The following TEC variants were observed in gnomAD, a reference collection of about 807,000 sequenced individuals.
The protein encoded by TEC is tec protein tyrosine kinase.
In TEC, 72 loss-of-function variants were observed where a neutral mutation model predicts 93.0. The observed-to-expected ratio is 0.77, with a 90% CI of 0.64 to 0.94. TEC has a LOEUF of 0.94. Among genes scored for constraint, TEC ranks in the 40% least tolerant of loss-of-function variants. TEC has a pLI of 0.00. For missense variants in TEC, 630 were observed against 757.9 expected, an observed-to-expected ratio of 0.83 and a Z score of 1.98; for synonymous variants, 249 against 247.7, an observed-to-expected ratio of 1.01 and a Z score of -0.05.
intron 11 of TEC, among the ~76,000 whole-genome samples, chr4:48,149,041 A>G (rs1720045832): frequency 6.6e-6 from 1 of 152,166 alleles, no homozygotes; most frequent in Non-Finnish European, 1.5e-5. Context: ...TCCATGGTGT[A>G]TCTGTACCAG....
chr4:48,172,611 C>A (rs1721160481), intron 3 of TEC, among the ~76,000 whole-genome samples: 1 of 151,866 alleles, frequency 6.6e-6, no homozygotes, highest in Admixed American at 6.6e-5. Context: ...CAGAAATGCA[C>A]TGTAATAGTA....
chr4:48,164,983 C>T (rs758238460), intron 7 of TEC, among the ~76,000 whole-genome samples: 1 of 151,882 alleles, frequency 6.6e-6, no homozygotes, highest in Non-Finnish European at 1.5e-5. Context: ...AGCACTCCAG[C>T]CTGCGAGACA....
chr4:48,142,640 C>T (rs1056339337), intron 14 of TEC, among the ~76,000 whole-genome samples: 2 of 152,036 alleles, frequency 1.3e-5, no homozygotes, highest in Admixed American at 6.6e-5. Flanking sequence ...GATAGAAAGA[C>T]GTGGTATTTC....
At chr4:48,210,488 A>T (rs75543557) in intron 2 of TEC, among the ~76,000 whole-genome samples, 3 of 108,928 alleles carry the variant, frequency 2.8e-5, no homozygotes, top group African/African-American at 1.4e-4. Context: ...GCCTCTTTAT[A>T]AAAAAAATGG....
At chr4:48,227,518 C>T (rs1723508241) in intron 2 of TEC, among the ~76,000 whole-genome samples, 1 of 151,684 alleles carries the variant, frequency 6.6e-6, no homozygotes, top group South Asian at 2.1e-4. Flanking sequence ...TGGCATGCAC[C>T]TGTAAATCCC....
rs188895520 is a variant in TEC, at chr4:48,156,614, C to G, written c.792+66G>C. On this transcript the variant is annotated intron_variant, in intron 9 of 17. Coordinates refer to ENST00000381501, the MANE Select transcript of TEC (RefSeq NM_003215.3). ...CATTTAGAAAGAGAGATATGTGGAA[C>G]TACTTATTATGGACTCATTAAAATT... 3.6e-6 allele frequency: 5 copies of G among 1,382,058 alleles called. No individual in the cohort carries two copies. The East Asian group carries it at 9.6e-5, about 26-fold the overall frequency. 85.6% of individuals were successfully genotyped at this position (1,382,058 alleles called of 1,614,324 possible). A position where few individuals can be genotyped will look rare whatever the true frequency, so the allele number is the denominator to read the frequency against.
chr4:48,264,304 G>C (rs1361385268), intron 1 of TEC, among the ~76,000 whole-genome samples: 1 of 152,140 alleles, frequency 6.6e-6, no homozygotes, highest in African/African-American at 2.4e-5. Flanking sequence ...GATCCCTCTG[G>C]CCACTCCAAC....
intron 1 of TEC, among the ~76,000 whole-genome samples, chr4:48,234,752 T>C (rs896464413): frequency 6.6e-6 from 1 of 152,108 alleles, no homozygotes; most frequent in African/African-American, 2.4e-5. Flanking sequence ...GGAAGTATGC[T>C]CCCGTGTGGG....
At chr4:48,254,647 G>T (rs1724293495) in intron 1 of TEC, among the ~76,000 whole-genome samples, 1 of 152,270 alleles carries the variant, frequency 6.6e-6, no homozygotes, top group Non-Finnish European at 1.5e-5. Flanking sequence ...TGGTGTCAGA[G>T]ACCAAATGAG....
At chr4:48,216,244 G>GAA (rs11332952) in intron 2 of TEC, among the ~76,000 whole-genome samples, 35,322 of 136,088 alleles carry the variant, frequency 0.26, 5,116 homozygotes, top group Admixed American at 0.34. Flanking sequence ...TACGCCCCAG[G>GAA]AAAAAAAAAA....
At position 48,253,603 on chromosome 4, in the gene TEC, G is replaced by A. The variant is rs1724265416; in HGVS notation, c.-46+16149C>T. Among the ~76,000 whole-genome samples, 5 of 128,004 alleles carry A rather than the reference G, an allele frequency of 3.9e-5. No individual in the cohort carries two copies. In the South Asian group the frequency reaches 1.2e-3, roughly 30 times the overall value. The allele number at this position is 128,004 out of a possible 152,430, so 84.0% of individuals were successfully genotyped here. On this transcript the variant is annotated intron_variant, in intron 1 of 17. Coordinates refer to ENST00000381501, the MANE Select transcript of TEC (RefSeq NM_003215.3). ...TTTTTTTTTTTTGAGACAGAGTCTC[G>A]CTCTGTTGCCCAGGCTGGAGTGCAG...
intron 1 of TEC, among the ~76,000 whole-genome samples, chr4:48,265,382 T>C (rs1724606394): frequency 6.7e-6 from 1 of 149,632 alleles, no homozygotes; most frequent in Non-Finnish European, 1.5e-5. Flanking sequence ...TAGATATATA[T>C]ATATATGTGT....
intron 7 of TEC, among the ~76,000 whole-genome samples, chr4:48,164,299 G>A (rs1490988983): frequency 6.6e-6 from 1 of 152,028 alleles, no homozygotes; most frequent in East Asian, 1.9e-4. Context: ...TATCATTTGG[G>A]GCACCTGTTA....
At chr4:48,267,727 G>C (rs1036584784) in intron 1 of TEC, among the ~76,000 whole-genome samples, 1 of 152,122 alleles carries the variant, frequency 6.6e-6, no homozygotes, top group Non-Finnish European at 1.5e-5. Context: ...GAGCATCCAC[G>C]GGGAACCAGC....
intron 9 of TEC, 111 bp downstream of exon 9, chr4:48,156,569 G>T: frequency 3.3e-6 from 3 of 905,514 alleles, no homozygotes; most frequent in South Asian, 2.2e-5. Flanking sequence ...GTTTTGCATA[G>T]ACTTGCTCAC....
At chr4:48,215,952 A>T (rs1723065658) in intron 2 of TEC, among the ~76,000 whole-genome samples, 1 of 152,174 alleles carries the variant, frequency 6.6e-6, no homozygotes, top group Admixed American at 6.5e-5. Flanking sequence ...AGTTTTCACA[A>T]GTGAAAAATC....
Position 48,167,968 on chromosome 4 carries a change from T to A in TEC, c.496-15A>T. ...GGAGGCCTTCGCTAGACAAGGAAGA[T>A]AACATTTGAAAGTTTAGTCTTCTAT... is the stretch of plus-strand genomic sequence containing the variant. On this transcript the variant is annotated splice_polypyrimidine_tract_variant and intron_variant, in intron 6 of 17. Coordinates refer to ENST00000381501, the MANE Select transcript of TEC (RefSeq NM_003215.3). The A allele has an allele frequency of 1.9e-6, 3 of 1,612,846 alleles. No individual in the cohort carries two copies. Among genetic ancestry groups the A allele is most frequent in the Non-Finnish European group, 2.5e-6 (3 of 1,179,302 alleles).
chr4:48,254,544 G>A (rs1238688844), intron 1 of TEC, among the ~76,000 whole-genome samples: 1 of 152,230 alleles, frequency 6.6e-6, no homozygotes, highest in Non-Finnish European at 1.5e-5. Flanking sequence ...AGGCTTGAGA[G>A]TACATAGAAA....
chr4:48,163,738 A>G lies in TEC; in HGVS notation c.701T>C (p.Val234Ala). 1 of 1,508,886 alleles carries G rather than the reference A, an allele frequency of 6.6e-7. No homozygotes were observed. Among genetic ancestry groups the G allele is most frequent in the Non-Finnish European group, 9.0e-7 (1 of 1,108,154 alleles). 93.5% of individuals were successfully genotyped at this position (1,508,886 alleles called of 1,614,324 possible). Reference sequence around the variant, plus strand: ...TAAGTTGTTTGATTTCTTTCCCGTTACGTAATTACTTGGGATATATCCTTC... The same window carrying G: ...TAAGTTGTTTGATTTCTTTCCCGTTGCGTAATTACTTGGGATATATCCTTC... ...GNEGYIPSNY[V>A]TGKKSNNLDQ... The change falls in exon 8 of 18, where the codon GTA becomes GCA. Residue 234 changes from valine (V) to alanine (A), a missense_variant. Physicochemically the swap from Val to Ala is moderately conservative, Grantham distance 64. Transcript: ENST00000381501.
Sources: allele counts gnomAD v4.1 joint callset (sites outside exome capture counted in the v4.1 genomes callset), GRCh38; gene constraint gnomAD v4.1.1; transcripts MANE v1.5; gene names NCBI Gene and HGNC (gene_info 2026-07-23, HGNC 2026-07-21).